The following SLC22A3 variants were observed in gnomAD, a reference collection of about 807,000 sequenced individuals.
SLC22A3 encodes solute carrier family 22 member 3, also known as EMT organic cation transporter 3.
Under a neutral mutation model 59.1 loss-of-function variants are expected in SLC22A3, and 51 were observed. The ratio of observed to expected loss-of-function variants is 0.86; its 90% CI spans 0.69 to 1.09. The LOEUF (loss-of-function observed/expected upper bound fraction) is 1.09, where lower values mean the gene tolerates loss of function less well. SLC22A3 is among the 50% of genes least tolerant of loss of function. SLC22A3 has a pLI of 0.00. For missense variants in SLC22A3, 711 were observed against 726.3 expected, an observed-to-expected ratio of 0.98 and a Z score of 0.24; for synonymous variants, 325 against 292.0, an observed-to-expected ratio of 1.11 and a Z score of -1.15.
chr6:160,429,027 G>C (rs1788060428), intron 5 of SLC22A3, among the ~76,000 whole-genome samples: 1 of 152,144 alleles, frequency 6.6e-6, no homozygotes, highest in Admixed American at 6.5e-5. Flanking sequence ...ACTGGGCAGT[G>C]GGATGGAAGG....
In SLC22A3 at chr6:160,398,044, C is replaced by T; in HGVS notation, c.495C>T (p.Phe165=). The T allele has an allele frequency of 6.2e-7, 1 of 1,613,856 alleles. No homozygotes were observed. The highest frequency in any genetic ancestry group is 1.1e-5 in the South Asian group (1 of 91,082). Reference sequence around the variant, plus strand: ...CCCAAGCCATCCTGAACCTCGGCTTCCTGACTGGAGCATTCACCTTAGGCT... The same window carrying T: ...CCCAAGCCATCCTGAACCTCGGCTTTCTGACTGGAGCATTCACCTTAGGCT... ...DLTQAILNLG[F]LTGAFTLGYA... The change falls in exon 2 of 11, where the codon TTC becomes TTT. Residue 165 remains phenylalanine, a synonymous_variant. Transcript: ENST00000275300.
At chr6:160,403,019 GA>G (rs1243251320) in intron 2 of SLC22A3, among the ~76,000 whole-genome samples, 4 of 147,604 alleles carry the variant, frequency 2.7e-5, no homozygotes, top group South Asian at 4.3e-4. Flanking sequence ...GCAAGTAGAA[GA>G]AAAAAAAATA....
chr6:160,445,961 T>G (rs1328391461), intron 9 of SLC22A3, among the ~76,000 whole-genome samples: 1 of 151,792 alleles, frequency 6.6e-6, no homozygotes, highest in Non-Finnish European at 1.5e-5. Flanking sequence ...CACCTGGCAG[T>G]AGAGAATGGT....
chr6:160,419,717 A>G (rs1787650303), intron 5 of SLC22A3, among the ~76,000 whole-genome samples: 1 of 152,200 alleles, frequency 6.6e-6, no homozygotes, highest in Non-Finnish European at 1.5e-5. Flanking sequence ...CTACCAGCAA[A>G]GCCTTCATCT....
chr6:160,442,656 A>G (rs1788590472), intron 7 of SLC22A3, 105 bp from the exon 8 acceptor site: 2 of 826,296 alleles, frequency 2.4e-6, no homozygotes, highest in Admixed American at 1.9e-5. Flanking sequence ...AAATTGGCAA[A>G]GACTTCAGAC....
intron 10 of SLC22A3, among the ~76,000 whole-genome samples, chr6:160,448,651 G>A (rs1788839127): frequency 6.6e-6 from 1 of 150,878 alleles, no homozygotes; most frequent in Non-Finnish European, 1.5e-5. Flanking sequence ...GAGGAGTAAT[G>A]TCAAGAAAAA....
intron 2 of SLC22A3, among the ~76,000 whole-genome samples, chr6:160,400,084 A>AT (rs760874011): frequency 0.037 from 3,515 of 95,398 alleles, 155 homozygotes; most frequent in African/African-American, 0.065. Context: ...AGCTTTTGTG[A>AT]TTTTTTTTTT....
Position 160,410,788 on chromosome 6 carries a change from A to G in SLC22A3, c.917A>G (p.Gln306Arg). ...CGGAAGAAAGGAGATAAAGCATTAC[A>G]GATCCTGAGACGCATTGCTAAGTGC... is the stretch of plus-strand genomic sequence containing the variant. ...ITRKKGDKAL[Q>R]ILRRIAKCNG... The change falls in exon 5 of 11, where the codon CAG (glutamine) becomes CGG (arginine). Residue 306 changes from glutamine (Q) to arginine (R), a missense_variant. By Grantham distance (43) the Gln-to-Arg change is conservative. Transcript: ENST00000275300. 4.3e-6 allele frequency: 7 copies of G among 1,613,402 alleles called. No individual in the cohort carries two copies. The highest frequency in any genetic ancestry group is 5.1e-6 in the Non-Finnish European group (6 of 1,179,522).
At chr6:160,403,479 ACT>A (rs1028148788) in intron 2 of SLC22A3, among the ~76,000 whole-genome samples, 11 of 152,030 alleles carry the variant, frequency 7.2e-5, no homozygotes, top group Admixed American at 3.9e-4. Flanking sequence ...TAGAGAAGAA[ACT>A]CTACCAATTC....
At chr6:160,388,946 G>C (rs1458997855) in intron 1 of SLC22A3, among the ~76,000 whole-genome samples, 1 of 152,196 alleles carries the variant, frequency 6.6e-6, no homozygotes, top group Non-Finnish European at 1.5e-5. Context: ...GGGCAGGTAC[G>C]AGACCAGTGT....
At chr6:160,364,699 T>G (rs1172687653) in intron 1 of SLC22A3, among the ~76,000 whole-genome samples, 1 of 152,162 alleles carries the variant, frequency 6.6e-6, no homozygotes, top group Non-Finnish European at 1.5e-5. Flanking sequence ...GGGGGCTGTT[T>G]AGAGAAGAAT....
chr6:160,427,177 G>T (rs975611187), intron 5 of SLC22A3, among the ~76,000 whole-genome samples: 1 of 152,168 alleles, frequency 6.6e-6, no homozygotes, highest in Non-Finnish European at 1.5e-5. Flanking sequence ...GATGGGGAAG[G>T]TTGAGGGCAA....
chr6:160,444,564 A>G (rs1418768636), intron 9 of SLC22A3, among the ~76,000 whole-genome samples: 4 of 151,930 alleles, frequency 2.6e-5, no homozygotes, highest in Admixed American at 2.0e-4. Flanking sequence ...CTTCCATAGG[A>G]CTTGTGAAGG....
intron 5 of SLC22A3, among the ~76,000 whole-genome samples, chr6:160,420,344 C>G (rs778809056): frequency 1.3e-5 from 2 of 152,322 alleles, no homozygotes; most frequent in Middle Eastern, 3.4e-3. Context: ...GGCCTTTCCC[C>G]CTACTCACCC....
intron 7 of SLC22A3, among the ~76,000 whole-genome samples, chr6:160,437,949 A>G (rs1390446811): frequency 6.6e-6 from 1 of 152,138 alleles, no homozygotes. Context: ...GGAGCCTGAG[A>G]GATGATCTGT....
At chr6:160,443,831 T>C in intron 9 of SLC22A3, 89 bp downstream of exon 9, 1 of 597,244 alleles carries the variant, frequency 1.7e-6, no homozygotes, top group Non-Finnish European at 2.8e-6. Context: ...TCAATAATGA[T>C]AATGATAGTC....
chr6:160,356,275 G>A (rs749923912), intron 1 of SLC22A3, among the ~76,000 whole-genome samples: 16 of 152,170 alleles, frequency 1.1e-4, no homozygotes, highest in African/African-American at 1.7e-4. Flanking sequence ...ATGGCCGCCC[G>A]CAGACCTCTG....
chr6:160,397,559 C>A (rs1786533666), intron 1 of SLC22A3, among the ~76,000 whole-genome samples: 1 of 151,872 alleles, frequency 6.6e-6, no homozygotes, highest in Non-Finnish European at 1.5e-5. Flanking sequence ...CATGGTGAAA[C>A]CCCATCTCTA....
At chr6:160,427,651 A>G (rs1788011624) in intron 5 of SLC22A3, among the ~76,000 whole-genome samples, 1 of 152,258 alleles carries the variant, frequency 6.6e-6, no homozygotes, top group Admixed American at 6.5e-5. Flanking sequence ...ACTGAGAAGA[A>G]GTGATGATAA....
Sources: allele counts gnomAD v4.1 joint callset (sites outside exome capture counted in the v4.1 genomes callset), GRCh38; gene constraint gnomAD v4.1.1; transcripts MANE v1.5; gene names NCBI Gene and HGNC (gene_info 2026-07-23, HGNC 2026-07-21).